ASCC3: variants seen among roughly 807,000 people sequenced by gnomAD.
The protein encoded by ASCC3 is ASC-1 complex subunit P200.
A neutral mutation model predicts 256.3 loss-of-function variants in ASCC3; 158 were observed. The ratio of observed to expected loss-of-function variants is 0.62; its 90% CI spans 0.54 to 0.70. The LOEUF is 0.70. Among genes scored for constraint, ASCC3 ranks in the 30% least tolerant of loss-of-function variants. The probability of loss-of-function intolerance (pLI) is 0.00; values close to 1 mark genes in which losing one functional copy is unlikely to be tolerated. For synonymous variants in ASCC3, 948 were observed against 883.4 expected (o/e 1.07, Z -1.30); for missense variants, 2,259 against 2,626.0 (o/e 0.86, Z 3.05).
chr6:100,536,113 T>C (rs1015503662), intron 37 of ASCC3, among the ~76,000 whole-genome samples: 9 of 152,214 alleles, frequency 5.9e-5, no homozygotes, highest in Non-Finnish European at 1.2e-4. Context: ...AAACAACTAC[T>C]GCATTTTAGT....
intron 13 of ASCC3, among the ~76,000 whole-genome samples, chr6:100,697,083 T>C (rs1464054792): frequency 6.6e-6 from 1 of 152,086 alleles, no homozygotes; most frequent in African/African-American, 2.4e-5. Context: ...AACAACTAAG[T>C]CTACTTTTAT....
intron 36 of ASCC3, among the ~76,000 whole-genome samples, chr6:100,547,023 T>G (rs1769006068): frequency 1.3e-5 from 2 of 152,026 alleles, no homozygotes; most frequent in South Asian, 4.1e-4. Context: ...AAAGCTACAC[T>G]AAGCAAAAAT....
At chr6:100,854,399 A>C (rs1772838625) in intron 3 of ASCC3, among the ~76,000 whole-genome samples, 2 of 152,178 alleles carry the variant, frequency 1.3e-5, no homozygotes, top group South Asian at 4.1e-4. Flanking sequence ...CCTTGCATTA[A>C]ACAGGGAAAG....
Position 100,638,616 on chromosome 6 carries a change from T to C in ASCC3, c.4107A>G (p.Lys1369=). The C allele has an allele frequency of 6.2e-7, 1 of 1,611,654 alleles. No individual in the cohort carries two copies. The highest frequency in any genetic ancestry group is 1.1e-5 in the South Asian group (1 of 91,016). The change falls in exon 25 of 42, where the codon AAA becomes AAG. Residue 1369 remains lysine, a synonymous_variant. Coordinates refer to ENST00000369162, the MANE Select transcript of ASCC3 (RefSeq NM_006828.4). Reference sequence around the variant, plus strand: ...TTCAACAGACCTTTGAAGTAGGGTATTTGTTGAAGACTCTGAAAATGGCTA... The same window carrying C: ...TTCAACAGACCTTTGAAGTAGGGTACTTGTTGAAGACTCTGAAAATGGCTA... The part of the protein sequence containing the change: ...AELAIFRVFN[K]YPTSKAVYIA...
chr6:100,633,919 T>C (rs1044901544), intron 25 of ASCC3, among the ~76,000 whole-genome samples: 11 of 151,790 alleles, frequency 7.2e-5, no homozygotes, highest in African/African-American at 2.7e-4. Context: ...AGTTTTGATG[T>C]TGAACCTTAA....
chr6:100,654,242 A>T (rs17060821), intron 17 of ASCC3, among the ~76,000 whole-genome samples: 1,893 of 151,604 alleles, frequency 0.012, 45 homozygotes, highest in African/African-American at 0.045. Flanking sequence ...TATCTGTGTT[A>T]GTTCATAAGA....
At chr6:100,862,151 CTG>C (rs902296640) in intron 3 of ASCC3, among the ~76,000 whole-genome samples, 2 of 152,148 alleles carry the variant, frequency 1.3e-5, no homozygotes, top group Non-Finnish European at 2.9e-5. Flanking sequence ...ATGTGGAAGA[CTG>C]TATTTTCGCC....
intron 4 of ASCC3, among the ~76,000 whole-genome samples, chr6:100,813,212 T>C (rs1770567280): frequency 6.6e-6 from 1 of 152,058 alleles, no homozygotes; most frequent in South Asian, 2.1e-4. Flanking sequence ...TCCCAGCACT[T>C]TGGGAGGCCG....
chr6:100,814,433 G>T (rs528360309), intron 4 of ASCC3, among the ~76,000 whole-genome samples: 1 of 152,160 alleles, frequency 6.6e-6, no homozygotes, highest in East Asian at 1.9e-4. Context: ...CCAGGTTTTG[G>T]TATCAGGATG....
chr6:100,569,216 A>G (rs986120159), intron 36 of ASCC3, among the ~76,000 whole-genome samples: 1 of 152,068 alleles, frequency 6.6e-6, no homozygotes, highest in Non-Finnish European at 1.5e-5. Context: ...GAGTTTATTG[A>G]ATAGGGAGTC....
At chr6:100,610,879 T>A (rs1401798118) in intron 30 of ASCC3, among the ~76,000 whole-genome samples, 1 of 152,212 alleles carries the variant, frequency 6.6e-6, no homozygotes, top group African/African-American at 2.4e-5. Context: ...GTTCACAGCA[T>A]AAAATGTCTT....
chr6:100,658,029 T>G (rs1776000204), intron 16 of ASCC3, among the ~76,000 whole-genome samples: 1 of 151,574 alleles, frequency 6.6e-6, no homozygotes, highest in Middle Eastern at 3.2e-3. Flanking sequence ...AAGCCTGTGC[T>G]GAGTAAAGCA....
At chr6:100,864,708 T>C (rs1773398399) in intron 2 of ASCC3, among the ~76,000 whole-genome samples, 1 of 152,180 alleles carries the variant, frequency 6.6e-6, no homozygotes, top group Non-Finnish European at 1.5e-5. Flanking sequence ...TTAACCATGA[T>C]CCTAGACCAG....
intron 37 of ASCC3, chr6:100,531,127 T>G: frequency 1.1e-6 from 1 of 908,468 alleles, no homozygotes; most frequent in Non-Finnish European, 1.8e-6. Context: ...TTCTGCTGGC[T>G]GGACTGAACT....
At chr6:100,868,845 G>C (rs1054871876) in intron 1 of ASCC3, among the ~76,000 whole-genome samples, 5 of 152,074 alleles carry the variant, frequency 3.3e-5, no homozygotes, top group African/African-American at 1.2e-4. Flanking sequence ...TACCGGGAAA[G>C]AGAGAATTCA....
At chr6:100,552,166 A>AATG (rs924256578) in intron 36 of ASCC3, among the ~76,000 whole-genome samples, 2 of 151,656 alleles carry the variant, frequency 1.3e-5, no homozygotes, top group African/African-American at 4.8e-5. Flanking sequence ...TAGTAATAAT[A>AATG]ATGATAATAA....
intron 36 of ASCC3, among the ~76,000 whole-genome samples, chr6:100,551,063 T>G (rs1769274561): frequency 6.6e-6 from 1 of 151,976 alleles, no homozygotes; most frequent in Non-Finnish European, 1.5e-5. Context: ...TGCCTTTTCT[T>G]AGTGCATGAA....
rs1775437951 is a variant in ASCC3, at chr6:100,647,463, TAGG to T, written c.3253-15_3253-13del. 2 of 1,603,734 alleles carry T rather than the reference TAGG, an allele frequency of 1.2e-6. No individual in the cohort carries two copies. The highest frequency in any genetic ancestry group is 1.1e-5 in the South Asian group (1 of 90,868). On this transcript the variant is annotated splice_polypyrimidine_tract_variant and intron_variant, in intron 20 of 41. Coordinates refer to ENST00000369162, the MANE Select transcript of ASCC3 (RefSeq NM_006828.4). ...ATTCTAGCTGCATTCTAAAAAATTA[TAGG>T]AGGAGATTGGTGGTTATACCCAATG...
At chr6:100,662,677 G>C (rs1022089666) in intron 14 of ASCC3, 141 bp from the exon 15 acceptor site, 1 of 700,548 alleles carries the variant, frequency 1.4e-6, no homozygotes, top group African/African-American at 1.8e-5. Context: ...AGTATATAAT[G>C]CTTTATATAA....
Sources: gnomAD v4.1 joint callset for allele counts (sites outside exome capture counted in the v4.1 genomes callset) on GRCh38, gnomAD v4.1.1 for gene constraint, MANE v1.5 for transcripts, NCBI Gene and HGNC (gene_info 2026-07-23, HGNC 2026-07-21) for gene names.